The following SFSWAP variants were observed in gnomAD, a reference collection of about 807,000 sequenced individuals.
The protein encoded by SFSWAP is splicing factor SWAP, also known as splicing factor, suppressor of white-apricot homolog.
A neutral mutation model predicts 100.7 loss-of-function variants in SFSWAP; 17 were observed. The observed-to-expected ratio is 0.17, with a 90% CI of 0.12 to 0.25. The LOEUF (loss-of-function observed/expected upper bound fraction) is 0.25, where lower values mean the gene tolerates loss of function less well. Ranked by LOEUF, SFSWAP falls within the 10% of genes least tolerant of loss-of-function variation. The pLI, the probability that SFSWAP is intolerant of heterozygous loss-of-function variation, is 1.00. For missense variants in SFSWAP, 1,005 were observed against 1,262.6 expected (o/e 0.80, Z 3.09); for synonymous variants, 504 against 510.1 (o/e 0.99, Z 0.16).
intron 13 of SFSWAP, among the ~76,000 whole-genome samples, chr12:131,776,645 C>T (rs1007083565): frequency 2.0e-5 from 3 of 152,242 alleles, no homozygotes; most frequent in African/African-American, 7.2e-5. Context: ...AGATGCCGTC[C>T]TGCGCACACT....
chr12:131,792,531 C>A (rs1885338301), intron 15 of SFSWAP, among the ~76,000 whole-genome samples: 1 of 150,414 alleles, frequency 6.6e-6, no homozygotes, highest in South Asian at 2.1e-4. Flanking sequence ...GTTCACAGAT[C>A]AGTACTGTGT....
chr12:131,790,275 C>T (rs1024549364), intron 15 of SFSWAP, among the ~76,000 whole-genome samples: 1 of 152,158 alleles, frequency 6.6e-6, no homozygotes, highest in Non-Finnish European at 1.5e-5. Flanking sequence ...TCTTTTGACA[C>T]CTCCCATAGT....
At position 131,725,599 on chromosome 12, in the gene SFSWAP, C is replaced by T. The variant is rs769721459; in HGVS notation, c.801C>T (p.Val267=). 2 of 1,614,048 alleles carry T rather than the reference C, an allele frequency of 1.2e-6. No individual in the cohort carries two copies. The highest frequency in any genetic ancestry group is 1.7e-6 in the Non-Finnish European group (2 of 1,179,980). ...QKAMKEGRYT[V]LAENKSDEKK... ...CCATGAAAGAGGGACGCTACACTGTCCTGGCAGAAAACAAAAGTGACGAGA... is the reference window on the plus strand; with the variant it reads ...CCATGAAAGAGGGACGCTACACTGTTCTGGCAGAAAACAAAAGTGACGAGA... The change falls in exon 5 of 18, where the codon GTC becomes GTT. Residue 267 remains valine, a synonymous_variant. Coordinates refer to ENST00000261674, the MANE Select transcript of SFSWAP (RefSeq NM_004592.4). The surrounding 1 kb of genome is among the most constrained non-coding windows in gnomAD (Gnocchi z 4.3).
intron 7 of SFSWAP, among the ~76,000 whole-genome samples, chr12:131,747,240 T>G (rs2136216354): frequency 6.6e-6 from 1 of 152,312 alleles, no homozygotes. Flanking sequence ...ATGGAGCTTA[T>G]GTTCTGGAGG....
At chr12:131,776,935 G>C (rs748287944) in intron 13 of SFSWAP, among the ~76,000 whole-genome samples, 4 of 152,232 alleles carry the variant, frequency 2.6e-5, no homozygotes, top group Non-Finnish European at 5.9e-5. Context: ...TGGTGGAAAT[G>C]TGTCAGCATG....
intron 7 of SFSWAP, among the ~76,000 whole-genome samples, chr12:131,741,643 C>CT (rs1424164025): frequency 7.1e-6 from 1 of 140,878 alleles, no homozygotes. Flanking sequence ...GAGACTCTGT[C>CT]CAAAAAAAAA....
At position 131,764,606 on chromosome 12, in the gene SFSWAP, A is replaced by G; in HGVS notation, c.1871A>G (p.Asn624Ser). 2 of 1,614,228 alleles carry G rather than the reference A, an allele frequency of 1.2e-6. No individual in the cohort carries two copies. The highest frequency in any genetic ancestry group is 1.7e-6 in the Non-Finnish European group (2 of 1,180,034). ...QESSSSAANT[N>S]PAVAPPCVVV... ...AGTTCTAGTAGTGCTGCAAACACTA[A>G]CCCAGCAGTTGCCCCACCCTGTGTA... The change falls in exon 12 of 18, where the codon AAC (asparagine) becomes AGC (serine). Residue 624 changes from asparagine (N) to serine (S), a missense_variant. Transcript: ENST00000261674.
rs150259957 is a variant in SFSWAP, at chr12:131,743,223, C to T, written c.1082-9900C>T. On this transcript the variant is annotated intron_variant, in intron 7 of 17. Coordinates refer to ENST00000261674, the MANE Select transcript of SFSWAP (RefSeq NM_004592.4). ...TTCAAAACCAGTCATGCTTTCCCAG[C>T]AGTCCCCCAAAGTCTTAACTCATTT... Among the ~76,000 whole-genome samples the T allele has an allele frequency of 7.5e-3, 1,146 of 152,340 alleles. 10 individuals carry two copies. The highest frequency in any genetic ancestry group is 0.012 in the Admixed American group (186 of 15,304).
At chr12:131,762,643 G>A (rs987341219) in intron 11 of SFSWAP, among the ~76,000 whole-genome samples, 18 of 152,134 alleles carry the variant, frequency 1.2e-4, no homozygotes, top group African/African-American at 4.1e-4. Context: ...CCAGGCTGGA[G>A]TAGTGCAGTG....
intron 11 of SFSWAP, among the ~76,000 whole-genome samples, chr12:131,760,941 G>A (rs1212822722): frequency 6.6e-6 from 1 of 152,102 alleles, no homozygotes; most frequent in Non-Finnish European, 1.5e-5. Flanking sequence ...GTGTGATGGC[G>A]GGCACCTGTA....
intron 1 of SFSWAP, chr12:131,713,796 TATTAATG>T (rs1275379315): frequency 2.9e-5 from 7 of 243,266 alleles, no homozygotes; most frequent in Non-Finnish European, 5.5e-5. Context: ...CCATTTTTGC[TATTAATG>T]GATTGTTTGC....
intron 12 of SFSWAP, among the ~76,000 whole-genome samples, chr12:131,765,771 G>A (rs1348886063): frequency 1.3e-5 from 2 of 151,920 alleles, no homozygotes; most frequent in Non-Finnish European, 2.9e-5. Context: ...TGTCCTTCCT[G>A]TGTGTAAACT....
At chr12:131,735,029 A>T (rs1231635511) in intron 7 of SFSWAP, among the ~76,000 whole-genome samples, 2 of 152,166 alleles carry the variant, frequency 1.3e-5, no homozygotes, top group African/African-American at 4.8e-5. Flanking sequence ...ACACAGTCAC[A>T]AAAGTGGGAG....
chr12:131,791,761 A>G (rs1350437031), intron 15 of SFSWAP, among the ~76,000 whole-genome samples: 1 of 152,252 alleles, frequency 6.6e-6, no homozygotes, highest in Non-Finnish European at 1.5e-5. Context: ...AAAGAAAGAA[A>G]GAAGGGATAC....
At chr12:131,785,142 C>T (rs1884796322) in intron 14 of SFSWAP, 5 of 1,535,688 alleles carry the variant, frequency 3.3e-6, no homozygotes, top group Non-Finnish European at 4.4e-6. Flanking sequence ...CAGCGGCAGC[C>T]GAGCCAGGAA....
intron 7 of SFSWAP, among the ~76,000 whole-genome samples, chr12:131,729,734 G>A (rs567148510): frequency 3.7e-4 from 57 of 152,218 alleles, no homozygotes; most frequent in African/African-American, 1.4e-3. Flanking sequence ...TAGCAGAGCC[G>A]AGGAACCACC....
Position 131,734,019 on chromosome 12 carries a change from A to C in SFSWAP, c.1081+5591A>C, listed in dbSNP as rs1879762729. 6.6e-6 allele frequency among the ~76,000 whole-genome samples: 1 copy of C among 152,178 alleles called. No individual in the cohort carries two copies. The highest frequency in any genetic ancestry group is 1.5e-5 in the Non-Finnish European group (1 of 68,010). On this transcript the variant is annotated intron_variant, in intron 7 of 17. Coordinates refer to ENST00000261674, the MANE Select transcript of SFSWAP (RefSeq NM_004592.4). This position sits in a 1 kb window ranked among gnomAD's most constrained non-coding sequence, Gnocchi z 4.9. ...GCCCTGTGTGTGGCTTGCCACCATC[A>C]TTTGGGAACTATTCTTCTGTCCTAG...
chr12:131,799,415 C>G lies in SFSWAP; in HGVS notation c.2791-8C>G, dbSNP rs761553221. ...CACAGGTTCTCCTCTGTGTCTCGCC[C>G]TGCACAGGATCTCATGGCCAAAGTC... On this transcript the variant is annotated splice_region_variant and splice_polypyrimidine_tract_variant and intron_variant, in intron 17 of 17. Transcript: ENST00000261674. The G allele has an allele frequency of 6.2e-7, 1 of 1,614,074 alleles. No homozygotes were observed. The highest frequency in any genetic ancestry group is 8.5e-7 in the Non-Finnish European group (1 of 1,179,902).
chr12:131,727,129 C>A, intron 6 of SFSWAP, 77 bp downstream of exon 6: 1 of 807,748 alleles, frequency 1.2e-6, no homozygotes, highest in Non-Finnish European at 2.1e-6. Context: ...AAATTTGAAG[C>A]ATGTCATTCT....
Sources: allele counts gnomAD v4.1 joint callset (sites outside exome capture counted in the v4.1 genomes callset), GRCh38; gene constraint gnomAD v4.1.1; non-coding constraint Gnocchi (gnomAD v3.1); transcripts MANE v1.5; gene names NCBI Gene and HGNC (gene_info 2026-07-23, HGNC 2026-07-21).